Variants in CDH18 observed in about 807,000 individuals in gnomAD.
CDH18 encodes cadherin-18.
A neutral mutation model predicts 67.9 loss-of-function variants in CDH18; 31 were observed. The ratio of observed to expected loss-of-function variants is 0.46; its 90% confidence interval spans 0.34 to 0.62. The LOEUF is 0.62. Ranked by LOEUF, CDH18 falls within the 20% of genes least tolerant of loss-of-function variation. The pLI is 0.01. For synonymous variants in CDH18, 362 were observed against 347.2 expected, an observed-to-expected ratio of 1.04 and a Z score of -0.48; for missense variants, 890 against 975.5, an observed-to-expected ratio of 0.91 and a Z score of 1.17.
chr5:19,900,965 G>A (rs913854515), intron 2 of CDH18, among the ~76,000 whole-genome samples: 7 of 152,168 alleles, frequency 4.6e-5, no homozygotes, highest in East Asian at 1.9e-4. Context: ...CAAGCAAAGC[G>A]GGTTGAAATC....
At chr5:20,504,760 ATTTTTTT>A (rs70954666) in intron 1 of CDH18, among the ~76,000 whole-genome samples, 7 of 67,992 alleles carry the variant, frequency 1.0e-4, no homozygotes, top group African/African-American at 3.8e-4. Flanking sequence ...ACAAAAGGGA[ATTTTTTT>A]TTTTTTTTTT....
chr5:20,052,205 T>C (rs1324999718), intron 2 of CDH18, among the ~76,000 whole-genome samples: 2 of 152,000 alleles, frequency 1.3e-5, no homozygotes, highest in Non-Finnish European at 2.9e-5. Flanking sequence ...AAAGTAGAGA[T>C]GGGGTTGCCT....
At chr5:19,677,878 A>G (rs148687692) in intron 5 of CDH18, among the ~76,000 whole-genome samples, 14 of 152,186 alleles carry the variant, frequency 9.2e-5, no homozygotes, top group African/African-American at 3.4e-4. Context: ...GAAGGGCATT[A>G]CACCATGGTA....
At chr5:20,234,962 C>T (rs4866047) in intron 2 of CDH18, among the ~76,000 whole-genome samples, 2 of 151,910 alleles carry the variant, frequency 1.3e-5, no homozygotes, top group African/African-American at 2.4e-5. Context: ...ATTGCAAGGG[C>T]GGTATCCAAT....
In CDH18 at chr5:19,535,517, A is replaced by T. The variant is rs1020016477; in HGVS notation, c.1390+8352T>A. Among the ~76,000 whole-genome samples, 10 of 152,322 alleles carry T rather than the reference A, an allele frequency of 6.6e-5. 2 individuals are homozygous for T. The South Asian group carries it at 1.2e-3, about 19-fold the overall frequency. On this transcript the variant is annotated intron_variant, in intron 9 of 12. Coordinates refer to ENST00000382275, the MANE Select transcript of CDH18 (RefSeq NM_004934.5). ...TCTTAGATGCAGCTGCTAACCAAAAATAACTTCATATTAAAGGGCAACAAG... is the reference window on the plus strand; with the variant it reads ...TCTTAGATGCAGCTGCTAACCAAAATTAACTTCATATTAAAGGGCAACAAG...
At chr5:20,055,063 C>T (rs1315939048) in intron 2 of CDH18, among the ~76,000 whole-genome samples, 1 of 151,906 alleles carries the variant, frequency 6.6e-6, no homozygotes, top group Non-Finnish European at 1.5e-5. Context: ...ACAACCAACA[C>T]AGTAAGTAGT....
chr5:20,232,171 A>AC (rs1554105342), intron 2 of CDH18, among the ~76,000 whole-genome samples: 1 of 147,060 alleles, frequency 6.8e-6, no homozygotes, highest in Non-Finnish European at 1.5e-5. Flanking sequence ...GTTTCTATTT[A>AC]TTTTTTTTTT....
chr5:19,727,833 C>G (rs56143186), intron 4 of CDH18, among the ~76,000 whole-genome samples: 306 of 152,240 alleles, frequency 2.0e-3, no homozygotes, highest in African/African-American at 7.0e-3. Context: ...AGATGAATAT[C>G]TGATATTTTT....
At chr5:20,255,912 A>C (rs2126613865) in intron 1 of CDH18, among the ~76,000 whole-genome samples, 1 of 150,786 alleles carries the variant, frequency 6.6e-6, no homozygotes, top group African/African-American at 2.4e-5. Context: ...TGTTTATGTT[A>C]TTTTAATAAC....
At chr5:20,256,967 T>A (rs1279351608) in intron 1 of CDH18, among the ~76,000 whole-genome samples, 1 of 103,494 alleles carries the variant, frequency 9.7e-6, no homozygotes, top group Admixed American at 1.1e-4. Flanking sequence ...CTATCTAATC[T>A]ATCTATATCT....
At chr5:20,511,833 G>C (rs1225671268) in intron 1 of CDH18, among the ~76,000 whole-genome samples, 1 of 152,088 alleles carries the variant, frequency 6.6e-6, no homozygotes, top group African/African-American at 2.4e-5. Flanking sequence ...TCAAACTTTT[G>C]GTTTTATTTG....
chr5:20,405,203 T>A (rs1244620166), intron 1 of CDH18, among the ~76,000 whole-genome samples: 1 of 152,120 alleles, frequency 6.6e-6, no homozygotes, highest in Non-Finnish European at 1.5e-5. Context: ...AAGGCTACAG[T>A]AACCAAAACA....
At chr5:19,836,494 T>C (rs1345108944) in intron 3 of CDH18, among the ~76,000 whole-genome samples, 2 of 152,208 alleles carry the variant, frequency 1.3e-5, no homozygotes, top group African/African-American at 4.8e-5. Context: ...TCATATCCTT[T>C]GCCTACTTTT....
intron 2 of CDH18, among the ~76,000 whole-genome samples, chr5:19,858,071 G>A (rs1314302410): frequency 2.0e-5 from 3 of 152,002 alleles, no homozygotes; most frequent in East Asian, 3.9e-4. Flanking sequence ...ATTCATTGCC[G>A]ATATATGATA....
chr5:20,164,519 TC>T (rs869240254), intron 2 of CDH18, among the ~76,000 whole-genome samples: 1 of 103,766 alleles, frequency 9.6e-6, no homozygotes, highest in Non-Finnish European at 2.2e-5. Context: ...AGGTGATCCG[TC>T]CAGGTCGGCC....
At chr5:19,911,147 C>A (rs538193502) in intron 2 of CDH18, among the ~76,000 whole-genome samples, 1 of 152,026 alleles carries the variant, frequency 6.6e-6, no homozygotes, top group African/African-American at 2.4e-5. Context: ...AGTATGGAGA[C>A]CTAAGTGTGT....
chr5:19,498,339 G>C (rs1347447342), intron 11 of CDH18, among the ~76,000 whole-genome samples: 1 of 152,128 alleles, frequency 6.6e-6, no homozygotes, highest in Non-Finnish European at 1.5e-5. Flanking sequence ...AGAAATGCAA[G>C]AGTTTCATGA....
At chr5:20,431,504 A>AAAAAAAAAGAAG (rs536468948) in intron 1 of CDH18, among the ~76,000 whole-genome samples, 58 of 138,748 alleles carry the variant, frequency 4.2e-4, no homozygotes, top group South Asian at 7.0e-4. Flanking sequence ...AAAAAAAAAA[A>AAAAAAAAAGAAG]AAGAAGAAGA....
intron 1 of CDH18, among the ~76,000 whole-genome samples, chr5:20,288,311 T>C (rs563979899): frequency 2.0e-5 from 3 of 151,868 alleles, no homozygotes; most frequent in African/African-American, 7.2e-5. Flanking sequence ...GATAAAAATA[T>C]GGTGAGAAAG....
Sources: allele counts gnomAD v4.1 joint callset (sites outside exome capture counted in the v4.1 genomes callset), GRCh38; gene constraint gnomAD v4.1.1; transcripts MANE v1.5; gene names NCBI Gene and HGNC (gene_info 2026-07-23, HGNC 2026-07-21).